Variants in NAV1 observed in about 807,000 individuals in gnomAD.
The protein encoded by NAV1 is neuron navigator 1.
NAV1 carries 18 observed loss-of-function variants against 175.2 expected under a neutral mutation model. The ratio of observed to expected loss-of-function variants is 0.10; its 90% CI spans 0.07 to 0.15. The LOEUF (loss-of-function observed/expected upper bound fraction) is 0.15. Ranked by LOEUF, NAV1 falls within the 10% of genes least tolerant of loss-of-function variation. The pLI, the probability that NAV1 is intolerant of heterozygous loss-of-function variation, is 1.00. For missense variants in NAV1, 1,731 were observed against 2,436.6 expected, an observed-to-expected ratio of 0.71 and a Z score of 6.10; for synonymous variants, 897 against 978.7, an observed-to-expected ratio of 0.92 and a Z score of 1.56.
intron 3 of NAV1, among the ~76,000 whole-genome samples, chr1:201,725,154 A>C (rs777143471): frequency 6.6e-6 from 1 of 152,206 alleles, no homozygotes; most frequent in Non-Finnish European, 1.5e-5. Flanking sequence ...CATCGATAAG[A>C]ATTCTCTTGC....
chr1:201,668,533 T>A (rs1669914500), intron 1 of NAV1, among the ~76,000 whole-genome samples: 1 of 152,050 alleles, frequency 6.6e-6, no homozygotes, highest in Non-Finnish European at 1.5e-5. Flanking sequence ...CCCCATGGTC[T>A]CAGCACCGCT....
chr1:201,593,463 C>T (rs946186105), intron 2 of NAV1, among the ~76,000 whole-genome samples: 2 of 152,236 alleles, frequency 1.3e-5, no homozygotes, highest in Non-Finnish European at 2.9e-5. Flanking sequence ...ATTCAACTTT[C>T]CTGCAATTAG....
Position 201,613,210 on chromosome 1 carries a change from C to T in NAV1, c.-32-9643C>T, listed in dbSNP as rs150838598. ...AGGACCTCTATGAAAAGAGATCTCC[C>T]CATCTTTCTTACTAACCCATGCCAC... is the stretch of plus-strand genomic sequence containing the variant. On this transcript the variant is annotated intron_variant, in intron 2 of 33. Coordinates refer to the NAV1 transcript ENST00000685211. Among the ~76,000 whole-genome samples the T allele has an allele frequency of 3.6e-3, 548 of 152,032 alleles. 3 individuals are homozygous for T. Among genetic ancestry groups the T allele is most frequent in the African/African-American group, 0.012 (492 of 41,430 alleles).
In NAV1 at chr1:201,812,732, G is replaced by T. The variant is rs879008298; in HGVS notation, c.5221+71G>T. On this transcript the variant is annotated intron_variant, in intron 27 of 29. Coordinates refer to ENST00000367296, the Ensembl canonical transcript of NAV1. The surrounding 1 kb of genome is among the most constrained non-coding windows in gnomAD (Gnocchi z 4.6). ...TTTCCACTGTACCACCTGGAGGGATGCTCCCTTCTCTTCCTGGAGTCTTCG... is the reference window on the plus strand; with the variant it reads ...TTTCCACTGTACCACCTGGAGGGATTCTCCCTTCTCTTCCTGGAGTCTTCG... 38 of 1,363,966 alleles carry T rather than the reference G, an allele frequency of 2.8e-5. 2 individuals are homozygous for T. In the South Asian group the frequency reaches 4.5e-4, roughly 16 times the overall value. The allele number at this position is 1,363,966 out of a possible 1,614,324, so 84.5% of individuals were successfully genotyped here.
intron 1 of NAV1, among the ~76,000 whole-genome samples, chr1:201,666,791 G>T (rs769854202): frequency 1.3e-4 from 20 of 152,110 alleles, no homozygotes; most frequent in Non-Finnish European, 2.6e-4. Context: ...CAATTTCAAG[G>T]GCCTGCAGAT....
upstream of NAV1, among the ~76,000 whole-genome samples, chr1:201,619,085 C>T (rs1388858029): frequency 6.6e-6 from 1 of 152,144 alleles, no homozygotes; most frequent in Admixed American, 6.5e-5. Context: ...GAGCAGGGCC[C>T]CCACTGCAGT....
upstream of NAV1, among the ~76,000 whole-genome samples, chr1:201,622,566 A>C (rs1249419163): frequency 6.6e-6 from 1 of 152,206 alleles, no homozygotes; most frequent in African/African-American, 2.4e-5. Context: ...AGAGTCAAAG[A>C]AAGTTAAATG....
intron 1 of NAV1, among the ~76,000 whole-genome samples, chr1:201,542,648 C>A (rs1665548168): frequency 6.6e-6 from 1 of 152,144 alleles, no homozygotes; most frequent in Non-Finnish European, 1.5e-5. Context: ...GAGACCCAGG[C>A]CACTCTGACC....
At chr1:201,588,165 T>TA (rs2102207355) in intron 1 of NAV1, among the ~76,000 whole-genome samples, 1 of 152,254 alleles carries the variant, frequency 6.6e-6, no homozygotes, top group South Asian at 2.1e-4. Context: ...GGAAATAAGC[T>TA]AATGAGTGAT....
intron 2 of NAV1, among the ~76,000 whole-genome samples, chr1:201,642,525 T>TTTTTC (rs1553247053): frequency 8.0e-5 from 8 of 100,410 alleles, no homozygotes; most frequent in African/African-American, 2.2e-4. Context: ...TTCTTTCTTT[T>TTTTTC]TTTCTTTCTT....
At chr1:201,559,581 AAGCT>A (rs763156348) in intron 1 of NAV1, among the ~76,000 whole-genome samples, 2 of 151,978 alleles carry the variant, frequency 1.3e-5, no homozygotes, top group Non-Finnish European at 2.9e-5. Context: ...CTGATCGCTG[AAGCT>A]GGAGTGTGAG....
intron 1 of NAV1, among the ~76,000 whole-genome samples, chr1:201,652,912 C>T (rs751368513): frequency 3.9e-5 from 6 of 152,194 alleles, no homozygotes; most frequent in Admixed American, 1.3e-4. Flanking sequence ...CGTCACAGCT[C>T]AGCCTAGCCT....
At chr1:201,542,506 C>T (rs900619687) in intron 1 of NAV1, among the ~76,000 whole-genome samples, 5 of 152,178 alleles carry the variant, frequency 3.3e-5, no homozygotes, top group East Asian at 1.9e-4. Context: ...CACAGTAAAC[C>T]GTTTCCTGGG....
intron 1 of NAV1, among the ~76,000 whole-genome samples, chr1:201,680,058 G>A (rs1414548319): frequency 6.6e-6 from 1 of 152,208 alleles, no homozygotes; most frequent in Non-Finnish European, 1.5e-5. Context: ...AAGAAAACAG[G>A]CATATTTGGC....
intron 15 of NAV1, among the ~76,000 whole-genome samples, chr1:201,802,791 A>C (rs181325233): frequency 1.3e-5 from 2 of 151,730 alleles, no homozygotes; most frequent in East Asian, 3.9e-4. Context: ...AAAAAAAAAG[A>C]AAGAAAAAGG....
intron 2 of NAV1, among the ~76,000 whole-genome samples, chr1:201,609,269 C>T (rs576004073): frequency 6.6e-6 from 1 of 152,352 alleles, no homozygotes; most frequent in Non-Finnish European, 1.5e-5. Flanking sequence ...GCTGCCTTCA[C>T]TTGGCAAGAG....
At chr1:201,759,943 G>T (rs1674738069) in intron 3 of NAV1, among the ~76,000 whole-genome samples, 1 of 152,148 alleles carries the variant, frequency 6.6e-6, no homozygotes, top group South Asian at 2.1e-4. Context: ...AAGTCCTGAG[G>T]TTATTGTTCT....
chr1:201,645,690 T>TCACAGTGAAAATATA (rs11269129), upstream of NAV1, among the ~76,000 whole-genome samples: 111,918 of 151,570 alleles, frequency 0.74, 41,758 homozygotes, highest in African/African-American at 0.81. Flanking sequence ...GTGGAATGTG[T>TCACAGTGAAAATATA]CACAGTGAAA....
chr1:201,638,671 A>C (rs980946084), intron 2 of NAV1, among the ~76,000 whole-genome samples: 2 of 152,248 alleles, frequency 1.3e-5, no homozygotes, highest in Non-Finnish European at 2.9e-5. Flanking sequence ...TGGAACACAC[A>C]CAGACCTATA....
Sources: gnomAD v4.1 joint callset for allele counts (sites outside exome capture counted in the v4.1 genomes callset) on GRCh38, gnomAD v4.1.1 for gene constraint, Gnocchi (gnomAD v3.1) non-coding constraint, MANE v1.5 for transcripts, NCBI Gene and HGNC (gene_info 2026-07-23, HGNC 2026-07-21) for gene names.